The following WWP1 variants were observed in gnomAD, a reference collection of about 807,000 sequenced individuals.
The protein encoded by WWP1 is WW domain containing E3 ubiquitin protein ligase 1, also known as NEDD4-like E3 ubiquitin-protein ligase WWP1.
Under a neutral mutation model 130.6 loss-of-function variants are expected in WWP1, and 49 were observed. The observed-to-expected ratio is 0.38, with a 90% CI of 0.30 to 0.48. WWP1 has a LOEUF of 0.48. Among genes scored for constraint, WWP1 ranks in the 20% least tolerant of loss-of-function variants. The pLI, the probability that WWP1 is intolerant of heterozygous loss-of-function variation, is 0.99. For missense variants in WWP1, 809 were observed against 1,100.6 expected (o/e 0.74, Z 3.75); for synonymous variants, 332 against 367.8 (o/e 0.90, Z 1.11).
At chr8:86,362,614 G>A (rs1307988002) in intron 1 of WWP1, among the ~76,000 whole-genome samples, 1 of 151,992 alleles carries the variant, frequency 6.6e-6, no homozygotes, top group African/African-American at 2.4e-5. Context: ...AGTAGTACAT[G>A]AGCCCCAAAT....
At chr8:86,393,749 T>A (rs551787248) in intron 5 of WWP1, among the ~76,000 whole-genome samples, 2 of 152,350 alleles carry the variant, frequency 1.3e-5, no homozygotes, top group Admixed American at 6.5e-5. Flanking sequence ...CTTTTGAGTA[T>A]GTTGGCCAGC....
At chr8:86,424,513 C>A (rs1043915497) in intron 9 of WWP1, among the ~76,000 whole-genome samples, 2 of 150,602 alleles carry the variant, frequency 1.3e-5, no homozygotes, top group East Asian at 2.0e-4. Flanking sequence ...AGCCTGGGCA[C>A]CATTGAGCAC....
At chr8:86,415,015 C>T (rs1365092984) in intron 9 of WWP1, among the ~76,000 whole-genome samples, 1 of 151,196 alleles carries the variant, frequency 6.6e-6, no homozygotes, top group Non-Finnish European at 1.5e-5. Context: ...TTTTGTAGGG[C>T]ATCCAGTTGA....
chr8:86,461,403 C>A, intron 23 of WWP1, 83 bp downstream of exon 23: 2 of 1,190,310 alleles, frequency 1.7e-6, no homozygotes, highest in Non-Finnish European at 2.5e-6. Context: ...CTTGATTGAA[C>A]CTAAAGATTA....
At chr8:86,451,893 G>A (rs1811196112) in intron 20 of WWP1, among the ~76,000 whole-genome samples, 1 of 152,084 alleles carries the variant, frequency 6.6e-6, no homozygotes, top group South Asian at 2.1e-4. Flanking sequence ...TGCTCTTACA[G>A]CTGCTTTATA....
intron 1 of WWP1, among the ~76,000 whole-genome samples, chr8:86,350,168 T>G (rs977803094): frequency 6.6e-6 from 1 of 152,194 alleles, no homozygotes; most frequent in African/African-American, 2.4e-5. Context: ...GCTTCTCCTT[T>G]CCAAGAACAG....
intron 1 of WWP1, among the ~76,000 whole-genome samples, chr8:86,359,841 A>G (rs1263581127): frequency 6.6e-6 from 1 of 152,082 alleles, no homozygotes; most frequent in Non-Finnish European, 1.5e-5. Flanking sequence ...CGAGGTCAGG[A>G]GATCGAGACC....
At chr8:86,361,993 CAT>C (rs1563465152) in intron 1 of WWP1, among the ~76,000 whole-genome samples, 4 of 119,216 alleles carry the variant, frequency 3.4e-5, no homozygotes, top group African/African-American at 1.1e-4. Context: ...TATATATATA[CAT>C]ATATATACAC....
intron 2 of WWP1, among the ~76,000 whole-genome samples, chr8:86,372,029 T>A (rs1342926135): frequency 1.2e-3 from 174 of 141,160 alleles, no homozygotes; most frequent in African/African-American, 4.5e-3. Flanking sequence ...TTTTTTTTTT[T>A]TTTTTTTTTT....
rs1364439394 is a variant in WWP1 at position 86,467,077 on chromosome 8, C to T, written c.*184C>T. 6.2e-6 allele frequency: 3 copies of T among 485,774 alleles called. No individual in the cohort carries two copies. Among genetic ancestry groups the T allele is most frequent in the African/African-American group, 2.0e-5 (1 of 49,068 alleles). The allele number at this position is 485,774 out of a possible 1,614,324, so 30.1% of individuals were successfully genotyped here. On this transcript the variant is annotated 3_prime_UTR_variant, in exon 25 of 25. Transcript: ENST00000517970. ...ATCCTTTTCTACTTTATTTATTGTT[C>T]CCTTGAAATGACTGACCAGGAAAAA...
intron 8 of WWP1, among the ~76,000 whole-genome samples, chr8:86,403,547 A>G (rs1218183311): frequency 6.6e-6 from 1 of 152,094 alleles, no homozygotes; most frequent in Non-Finnish European, 1.5e-5. Context: ...CACCTGTCTC[A>G]GCCTCCCAAA....
rs754381920 is a variant in WWP1, at chr8:86,411,623, T to A, written c.810T>A (p.Ser270=). 51 of 1,614,058 alleles carry A rather than the reference T, an allele frequency of 3.2e-5. No homozygotes were observed. Among genetic ancestry groups the A allele is most frequent in the African/African-American group, 4.0e-5 (3 of 74,940 alleles). Residue 270 remains serine (S), a synonymous_variant, in exon 9 of 25, where the codon TCT becomes TCA. Coordinates refer to ENST00000517970, the MANE Select transcript of WWP1 (RefSeq NM_007013.4). ...TPVVSEENAL[S]PNCTSTTVED... is the part of the protein sequence containing the mutation. The stretch of plus-strand genomic sequence containing the variant: ...TAGTGTCTGAAGAAAATGCCTTGTC[T>A]CCAAATTGCACTAGTACTACTGTTG...
intron 17 of WWP1, among the ~76,000 whole-genome samples, chr8:86,439,931 A>G (rs1427152994): frequency 2.0e-5 from 3 of 152,244 alleles, no homozygotes; most frequent in East Asian, 3.8e-4. Flanking sequence ...AAAGAGATAC[A>G]GAACCAAGTA....
intron 14 of WWP1, among the ~76,000 whole-genome samples, chr8:86,434,607 TC>T (rs1378470662): frequency 6.6e-6 from 1 of 152,208 alleles, no homozygotes; most frequent in Non-Finnish European, 1.5e-5. Flanking sequence ...TTGTTCTAGG[TC>T]AGGAGTGATA....
intron 8 of WWP1, among the ~76,000 whole-genome samples, chr8:86,405,326 ATT>A (rs35346142): frequency 0.37 from 47,652 of 128,552 alleles, 7,315 homozygotes; most frequent in Middle Eastern, 0.44. Context: ...AACCAAAAGG[ATT>A]TTTTTTTTTT....
At chr8:86,360,780 A>G (rs1485071926) in intron 1 of WWP1, among the ~76,000 whole-genome samples, 4 of 152,204 alleles carry the variant, frequency 2.6e-5, no homozygotes, top group Non-Finnish European at 5.9e-5. Flanking sequence ...GACAAAATAT[A>G]TGAACGTCTG....
chr8:86,406,935 T>C (rs1808311068), intron 8 of WWP1, among the ~76,000 whole-genome samples: 1 of 152,204 alleles, frequency 6.6e-6, no homozygotes. Context: ...AATGTACTTT[T>C]AGGGTGAGGA....
chr8:86,364,009 A>G (rs1823821146), intron 1 of WWP1, among the ~76,000 whole-genome samples: 1 of 152,188 alleles, frequency 6.6e-6, no homozygotes, highest in Non-Finnish European at 1.5e-5. Flanking sequence ...GAACCCTGAT[A>G]AGAAGAGCAC....
At chr8:86,368,304 A>G (rs1429577928) in intron 1 of WWP1, among the ~76,000 whole-genome samples, 1 of 152,222 alleles carries the variant, frequency 6.6e-6, no homozygotes, top group Non-Finnish European at 1.5e-5. Flanking sequence ...AAGTGGCAGA[A>G]CTGGAAATGA....
Sources: allele counts gnomAD v4.1 joint callset (sites outside exome capture counted in the v4.1 genomes callset), GRCh38; gene constraint gnomAD v4.1.1; transcripts MANE v1.5; gene names NCBI Gene and HGNC (gene_info 2026-07-23, HGNC 2026-07-21).